Variants in ARHGAP23 observed in about 807,000 individuals in gnomAD.
The protein encoded by ARHGAP23 is rho GTPase-activating protein 23.
ARHGAP23 carries 34 observed loss-of-function variants against 136.3 expected under a neutral mutation model. The observed-to-expected ratio is 0.25, with a 90% CI of 0.19 to 0.33. The LOEUF (loss-of-function observed/expected upper bound fraction) is 0.33. Ranked by LOEUF, ARHGAP23 falls within the 10% of genes least tolerant of loss-of-function variation. The probability of loss-of-function intolerance (pLI) is 1.00; values close to 1 mark genes in which losing one functional copy is unlikely to be tolerated. For synonymous variants in ARHGAP23, 832 were observed against 920.5 expected (o/e 0.90, Z 1.74); for missense variants, 1,808 against 2,139.0 (o/e 0.85, Z 3.05).
intron 11 of ARHGAP23, among the ~76,000 whole-genome samples, chr17:38,476,924 A>G (rs923465816): frequency 6.6e-6 from 1 of 152,106 alleles, no homozygotes; most frequent in African/African-American, 2.4e-5. Context: ...CAAGTAGAGA[A>G]GACTAGGAAG....
intron 1 of ARHGAP23, among the ~76,000 whole-genome samples, chr17:38,435,798 A>G (rs1449750428): frequency 6.6e-6 from 1 of 152,136 alleles, no homozygotes; most frequent in African/African-American, 2.4e-5. Context: ...ATGGGCGTTC[A>G]CCATGTTGGT....
rs1469976672 is a variant in ARHGAP23 at position 38,510,240 on chromosome 17, G to C, written c.3744G>C (p.Ser1248=). ...CCGCGGACACGCGCTCCATTGTGTC[G>C]GGCTACTCCACCCTGTCCACCATGG... ...RPAADTRSIV[S]GYSTLSTMDR... is the part of the protein sequence containing the mutation. Residue 1248 remains serine, a synonymous_variant, in exon 24 of 24, where the codon TCG becomes TCC. Coordinates refer to ENST00000622683, the MANE Select transcript of ARHGAP23 (RefSeq NM_001199417.2). This position sits in a 1 kb window ranked among gnomAD's most constrained non-coding sequence, Gnocchi z 4.6. 3.6e-6 allele frequency: 5 copies of C among 1,382,576 alleles called. No homozygotes were observed. The highest frequency in any genetic ancestry group is 4.7e-6 in the Non-Finnish European group (5 of 1,067,442). The allele number at this position is 1,382,576 out of a possible 1,614,324, so 85.6% of individuals were successfully genotyped here.
intron 13 of ARHGAP23, 43 bp downstream of exon 13, chr17:38,479,540 G>A (rs1339101771): frequency 1.3e-5 from 20 of 1,536,828 alleles, no homozygotes; most frequent in Non-Finnish European, 1.7e-5. Context: ...TGTGGGGGTG[G>A]TAGGGGGCTG....
chr17:38,505,963 C>T (rs1193758748), intron 23 of ARHGAP23, among the ~76,000 whole-genome samples: 1 of 151,898 alleles, frequency 6.6e-6, no homozygotes, highest in Non-Finnish European at 1.5e-5. Context: ...TGCACTCTTG[C>T]TCCAGAACGA....
At chr17:38,479,020 T>A (rs1273036467) in intron 12 of ARHGAP23, among the ~76,000 whole-genome samples, 2 of 152,156 alleles carry the variant, frequency 1.3e-5, no homozygotes, top group African/African-American at 4.8e-5. Flanking sequence ...ACCTGGAATT[T>A]GGGCCTCCTC....
intron 20 of ARHGAP23, among the ~76,000 whole-genome samples, chr17:38,493,028 C>T (rs1436739006): frequency 6.6e-6 from 1 of 152,198 alleles, no homozygotes; most frequent in Non-Finnish European, 1.5e-5. Context: ...AAGGGGGAGT[C>T]CCTGCTCTGG....
At chr17:38,454,875 T>A (rs1305168269) in intron 1 of ARHGAP23, among the ~76,000 whole-genome samples, 1 of 152,258 alleles carries the variant, frequency 6.6e-6, no homozygotes, top group African/African-American at 2.4e-5. Context: ...TAAGGCCGTC[T>A]GCCCTGCTGT....
chr17:38,435,377 C>T (rs141726750), intron 1 of ARHGAP23, among the ~76,000 whole-genome samples: 429 of 152,196 alleles, frequency 2.8e-3, no homozygotes, highest in Non-Finnish European at 4.3e-3. Context: ...CTCTGACCTG[C>T]GGTGATTCCA....
At position 38,447,433 on chromosome 17, in the gene ARHGAP23, G is replaced by A. The variant is rs571378514; in HGVS notation, c.64-10669G>A. Among the ~76,000 whole-genome samples the A allele has an allele frequency of 1.1e-4, 5 of 45,006 alleles. 1 individual carries two copies. The South Asian group carries it at 3.8e-3, about 34-fold the overall frequency. 29.5% of individuals were successfully genotyped at this position (45,006 alleles called of 152,430 possible). On this transcript the variant is annotated intron_variant, in intron 1 of 23. Transcript: ENST00000622683. ...CTCCAGCCTGGGCAACAGAGACTCCGTCTGAAAAAAAAAAAAAAAAAAAAA... is the reference window on the plus strand; with the variant it reads ...CTCCAGCCTGGGCAACAGAGACTCCATCTGAAAAAAAAAAAAAAAAAAAAA...
chr17:38,457,698 ATG>A (rs1491123224), intron 1 of ARHGAP23: 21 of 272,280 alleles, frequency 7.7e-5, no homozygotes, highest in Middle Eastern at 1.3e-3. Flanking sequence ...ATATGTGTGC[ATG>A]TGTGTGTGTG....
intron 20 of ARHGAP23, among the ~76,000 whole-genome samples, chr17:38,493,749 A>T (rs1027063675): frequency 3.3e-5 from 5 of 152,224 alleles, no homozygotes; most frequent in African/African-American, 1.2e-4. Context: ...GAGCGTGGCA[A>T]CTGAGGGGTA....
intron 16 of ARHGAP23, among the ~76,000 whole-genome samples, chr17:38,483,154 C>T (rs943642883): frequency 4.6e-5 from 7 of 152,192 alleles, no homozygotes; most frequent in African/African-American, 1.4e-4. Context: ...CCTTCTCTTC[C>T]TAATCCTTTA....
upstream of ARHGAP23, among the ~76,000 whole-genome samples, chr17:38,425,152 T>TGGA: frequency 6.6e-6 from 1 of 152,196 alleles, no homozygotes; most frequent in Admixed American, 6.5e-5. Flanking sequence ...GAAGCGCCTC[T>TGGA]GGGCAGCCCC....
chr17:38,439,494 A>G (rs1018433742), intron 1 of ARHGAP23, among the ~76,000 whole-genome samples: 4 of 152,198 alleles, frequency 2.6e-5, no homozygotes, highest in African/African-American at 7.2e-5. Context: ...GAGTGTTCCC[A>G]TAGCACTTGA....
At position 38,444,029 on chromosome 17, in the gene ARHGAP23, C is replaced by G. The variant is rs529715372; in HGVS notation, c.64-14073C>G. On this transcript the variant is annotated intron_variant, in intron 1 of 23. Transcript: ENST00000622683. ...AGAGTCATTGCAGGCATTCCCCTGC[C>G]TCTAGGAATGACTGCTCCAGTCTAG... 1.7e-4 allele frequency among the ~76,000 whole-genome samples: 26 copies of G among 152,274 alleles called. No homozygotes were observed. In the South Asian group the frequency reaches 5.4e-3, roughly 32 times the overall value.
intron 10 of ARHGAP23, among the ~76,000 whole-genome samples, chr17:38,470,190 G>A (rs527543754): frequency 6.6e-5 from 10 of 152,240 alleles, no homozygotes; most frequent in South Asian, 4.1e-4. Context: ...CCCTGTCTTC[G>A]CGGCTTTTTA....
At chr17:38,500,131 G>T (rs1341652604) in intron 22 of ARHGAP23, among the ~76,000 whole-genome samples, 1 of 152,200 alleles carries the variant, frequency 6.6e-6, no homozygotes, top group Non-Finnish European at 1.5e-5. Context: ...GCTCGGGGGT[G>T]GATGTAGGGC....
intron 2 of ARHGAP23, 126 bp from the exon 3 acceptor site, chr17:38,460,779 G>T (rs980907735): frequency 2.0e-6 from 3 of 1,529,558 alleles, no homozygotes; most frequent in African/African-American, 2.7e-5. Flanking sequence ...ACCCTCCCCT[G>T]CTGGGCTACT....
chr17:38,485,269 C>T (rs567356180), intron 16 of ARHGAP23, among the ~76,000 whole-genome samples: 1 of 152,238 alleles, frequency 6.6e-6, no homozygotes, highest in East Asian at 1.9e-4. Flanking sequence ...ATCAAAATGG[C>T]TCCAGACATT....
Sources: gnomAD v4.1 joint callset for allele counts (sites outside exome capture counted in the v4.1 genomes callset) on GRCh38, gnomAD v4.1.1 for gene constraint, Gnocchi (gnomAD v3.1) non-coding constraint, MANE v1.5 for transcripts, NCBI Gene and HGNC (gene_info 2026-07-23, HGNC 2026-07-21) for gene names.